KCNE3: variants seen among roughly 807,000 people sequenced by gnomAD.
KCNE3 encodes potassium voltage-gated channel subfamily E member 3.
In KCNE3, 2 loss-of-function variants were observed where a neutral mutation model predicts 4.3. The ratio of observed to expected loss-of-function variants is 0.47; its 90% confidence interval spans 0.19 to 1.48. KCNE3 has a LOEUF of 1.48. Ranked by LOEUF, KCNE3 falls within the 40% of genes most tolerant of loss-of-function variation. KCNE3 has a pLI of 0.25. For missense variants in KCNE3, 128 were observed against 136.8 expected (o/e 0.94, Z 0.32); for synonymous variants, 47 against 52.0 (o/e 0.90, Z 0.41).
At chr11:74,462,195 A>G (rs1263877409) in intron 1 of KCNE3, 92 bp from the exon 2 acceptor site, 1 of 152,462 alleles carries the variant, frequency 6.6e-6, no homozygotes, top group African/African-American at 2.4e-5. Flanking sequence ...CCAGGCCCCA[A>G]GGATTATGCA....
intron 2 of KCNE3, among the ~76,000 whole-genome samples, chr11:74,458,902 C>G (rs1173978016): frequency 6.6e-6 from 1 of 152,056 alleles, no homozygotes; most frequent in Admixed American, 6.6e-5. Context: ...TAAATTTCAT[C>G]CTGCCTGGAG....
Position 74,457,538 on chromosome 11 carries a change from G to A in KCNE3, c.26C>T (p.Thr9Ile), listed in dbSNP as rs139040374. The A allele has an allele frequency of 1.2e-4, 200 of 1,614,068 alleles. 1 individual carries two copies. In the Middle Eastern group the frequency reaches 1.6e-3, roughly 13 times the overall value. ...CACGGCATGCAGGCTCTCATACCAG[G>A]TCTCCGTTCCATTGGTAGTCTCCAT... Reference protein sequence around the residue: METTNGTETWYESLHAVLK... With the variant: METTNGTEIWYESLHAVLK... The change falls in exon 3 of 3, where the codon ACC becomes ATC. Residue 9 changes from threonine (T) to isoleucine (I), a missense_variant. Physicochemically the swap from Thr to Ile is moderately conservative, Grantham distance 89. Coordinates refer to ENST00000310128, the MANE Select transcript of KCNE3 (RefSeq NM_005472.5).
At chr11:74,466,741 G>C (rs934388925) in intron 1 of KCNE3, among the ~76,000 whole-genome samples, 3 of 152,176 alleles carry the variant, frequency 2.0e-5, no homozygotes, top group Non-Finnish European at 4.4e-5. Flanking sequence ...CAGGCAACAG[G>C]AGCAGGAGGC....
Position 74,460,733 on chromosome 11 carries a change from G to A in KCNE3, c.-41+1222C>T, listed in dbSNP as rs918093827. On this transcript the variant is annotated intron_variant, in intron 2 of 2. Coordinates refer to ENST00000310128, the MANE Select transcript of KCNE3 (RefSeq NM_005472.5). Reference sequence around the variant, plus strand: ...GATCATGGGGGGCCTTGAGTGCCACGCTGTAGAGTTGGAACTTTATTCTGT... The same window carrying A: ...GATCATGGGGGGCCTTGAGTGCCACACTGTAGAGTTGGAACTTTATTCTGT... Among the ~76,000 whole-genome samples, 11 of 152,294 alleles carry A rather than the reference G, an allele frequency of 7.2e-5. No homozygotes were observed. In the East Asian group the frequency reaches 1.2e-3, roughly 16 times the overall value.
chr11:74,459,160 C>G (rs991311517), intron 2 of KCNE3, among the ~76,000 whole-genome samples: 1 of 152,030 alleles, frequency 6.6e-6, no homozygotes, highest in East Asian at 1.9e-4. Flanking sequence ...ACTATCTTGT[C>G]TCCTGAAATA....
chr11:74,465,126 ATG>A (rs1032848792), intron 1 of KCNE3, among the ~76,000 whole-genome samples: 3 of 78,970 alleles, frequency 3.8e-5, no homozygotes, highest in East Asian at 1.1e-3. Flanking sequence ...GTGTGTGTGT[ATG>A]TGTGTGTGTG....
rs761179696 is a variant in KCNE3 at position 74,457,424 on chromosome 11, C to T, written c.140G>A (p.Arg47Gln). 13 of 1,613,690 alleles carry T rather than the reference C, an allele frequency of 8.1e-6. No homozygotes were observed. The highest frequency in any genetic ancestry group is 5.5e-5 in the South Asian group (5 of 91,074). The change falls in exon 3 of 3, where the codon CGG (arginine) becomes CAG (glutamine). Residue 47 changes from arginine (R) to glutamine (Q), a missense_variant. Arg to Gln is a conservative substitution (Grantham distance 43, BLOSUM62 1). Transcript: ENST00000310128. ...GTCATCACGGCCAGGTAGGCTGGCC[C>T]GCCTCTCTTCAGTCTGGTTGTCTGG... ...LGPDNQTEER[R>Q]ASLPGRDDNS...
chr11:74,462,856 C>T (rs964353480), intron 1 of KCNE3: 1 of 152,214 alleles, frequency 6.6e-6, no homozygotes, highest in Admixed American at 6.5e-5. Context: ...CTGTCCGCAT[C>T]TGTAAAATGA....
Position 74,456,052 on chromosome 11 carries a change from A to C in KCNE3, c.*1200T>G, listed in dbSNP as rs1486145826. 2 of 150,794 alleles carry C rather than the reference A, an allele frequency of 1.3e-5. No individual in the cohort carries two copies. Among genetic ancestry groups the C allele is most frequent in the Non-Finnish European group, 3.0e-5 (2 of 67,696 alleles). 9.3% of individuals were successfully genotyped at this position (150,794 alleles called of 1,614,324 possible). ...TTCTCTCAGATAGTCGTGGTGGCTT[A>C]CACTTGTAATCCCAGCACTTTGGGA... On this transcript the variant is annotated 3_prime_UTR_variant, in exon 3 of 3. Coordinates refer to ENST00000310128, the MANE Select transcript of KCNE3 (RefSeq NM_005472.5).
intron 1 of KCNE3, among the ~76,000 whole-genome samples, chr11:74,463,150 G>A (rs1863991013): frequency 6.6e-6 from 1 of 152,160 alleles, no homozygotes; most frequent in South Asian, 2.1e-4. Context: ...CCTGAGGAGG[G>A]GATAGACTCT....
At chr11:74,463,564 G>A (rs925045936) in intron 1 of KCNE3, among the ~76,000 whole-genome samples, 3 of 152,114 alleles carry the variant, frequency 2.0e-5, no homozygotes, top group African/African-American at 7.2e-5. Flanking sequence ...CTTGGATGGG[G>A]GAGATGGAGC....
At chr11:74,460,451 C>T (rs1272376994) in intron 2 of KCNE3, among the ~76,000 whole-genome samples, 2 of 152,174 alleles carry the variant, frequency 1.3e-5, no homozygotes, top group Non-Finnish European at 2.9e-5. Flanking sequence ...ATGCAGGGGA[C>T]AAGCAAAGAG....
At chr11:74,465,958 G>A (rs982637925) in intron 1 of KCNE3, among the ~76,000 whole-genome samples, 61 of 152,182 alleles carry the variant, frequency 4.0e-4, no homozygotes, top group African/African-American at 1.4e-3. Context: ...CTCAGAAGCA[G>A]CCAGGAGGTT....
In KCNE3 at chr11:74,460,757, G is replaced by A. The variant is rs533227235; in HGVS notation, c.-41+1198C>T. 1.6e-4 allele frequency among the ~76,000 whole-genome samples: 25 copies of A among 152,356 alleles called. No individual in the cohort carries two copies. In the South Asian group the frequency reaches 2.3e-3, roughly 14 times the overall value. On this transcript the variant is annotated intron_variant, in intron 2 of 2. Transcript: ENST00000310128. Reference sequence around the variant, plus strand: ...CGCTGTAGAGTTGGAACTTTATTCTGTAGCTAGGGAAAAGCCATGGAATGG... The same window carrying A: ...CGCTGTAGAGTTGGAACTTTATTCTATAGCTAGGGAAAAGCCATGGAATGG...
chr11:74,461,184 A>G (rs1404900191), intron 2 of KCNE3, among the ~76,000 whole-genome samples: 3 of 152,116 alleles, frequency 2.0e-5, no homozygotes, highest in Admixed American at 6.5e-5. Flanking sequence ...TAGAGTTTCA[A>G]TTTTACAAGA....
Position 74,455,777 on chromosome 11 carries a change from G to C in KCNE3, c.*1475C>G, listed in dbSNP as rs763306128. 6.6e-6 allele frequency: 1 copy of C among 151,652 alleles called. No individual in the cohort carries two copies. The highest frequency in any genetic ancestry group is 2.4e-5 in the African/African-American group (1 of 41,256). The allele number at this position is 151,652 out of a possible 1,614,324, so 9.4% of individuals were successfully genotyped here. A position where few individuals can be genotyped will look rare whatever the true frequency, so the allele number is the denominator to read the frequency against. ...GAGCCTTGCTCTGTCACCCAGGCTG[G>C]AGTGCAGTGGCGTGATCTTGGCTTA... On this transcript the variant is annotated 3_prime_UTR_variant, in exon 3 of 3. Transcript: ENST00000310128.
At chr11:74,458,110 A>T (rs1034397408) in intron 2 of KCNE3, among the ~76,000 whole-genome samples, 13 of 152,148 alleles carry the variant, frequency 8.5e-5, no homozygotes, top group African/African-American at 2.9e-4. Context: ...TCTCCATTAG[A>T]CCATACACTA....
In KCNE3 at chr11:74,457,284, CAT is replaced by C. The variant is rs1476781635; in HGVS notation, c.278_279del (p.His93ArgfsTer54). 2.8e-5 allele frequency: 45 copies of C among 1,613,980 alleles called. No individual in the cohort carries two copies. The highest frequency in any genetic ancestry group is 3.6e-5 in the Non-Finnish European group (42 of 1,180,036). On this transcript the variant is annotated frameshift_variant, in exon 3 of 3. Coordinates refer to ENST00000310128, the MANE Select transcript of KCNE3 (RefSeq NM_005472.5). LOFTEE classifies it high-confidence loss of function. The part of the protein sequence containing the change: ...RKVDKRSDPY[H>X]VYIKNRVSMI Reference sequence around the variant, plus strand: ...ATAGACACACGGTTCTTGATATACACATGATAGGGGTCACTACGCTTGTCCAC... The same window carrying C: ...ATAGACACACGGTTCTTGATATACACGATAGGGGTCACTACGCTTGTCCAC...
intron 1 of KCNE3, among the ~76,000 whole-genome samples, chr11:74,466,403 G>T (rs999661500): frequency 3.9e-5 from 6 of 152,150 alleles, no homozygotes; most frequent in African/African-American, 1.4e-4. Flanking sequence ...CCCCAGCATG[G>T]GTCTTCCTCC....
Sources: allele counts gnomAD v4.1 joint callset (sites outside exome capture counted in the v4.1 genomes callset), GRCh38; gene constraint gnomAD v4.1.1; transcripts MANE v1.5; gene names NCBI Gene and HGNC (gene_info 2026-07-23, HGNC 2026-07-21).